Variants in MYOF observed in about 807,000 individuals in gnomAD.
The protein encoded by MYOF is fer-1-like 3, myoferlin.
Under a neutral mutation model 284.2 loss-of-function variants are expected in MYOF, and 244 were observed. The observed-to-expected ratio is 0.86, with a 90% CI of 0.77 to 0.95. The LOEUF is 0.95. Ranked by LOEUF, MYOF falls within the 40% of genes least tolerant of loss-of-function variation. The pLI, the probability that MYOF is intolerant of heterozygous loss-of-function variation, is 0.00. For missense variants in MYOF, 2,496 were observed against 2,560.6 expected (o/e 0.97, Z 0.54); for synonymous variants, 904 against 919.7 (o/e 0.98, Z 0.31).
intron 25 of MYOF, among the ~76,000 whole-genome samples, chr10:93,368,054 A>G (rs898133673): frequency 6.7e-6 from 1 of 150,152 alleles, no homozygotes; most frequent in African/African-American, 2.5e-5. Flanking sequence ...CTGGTCGATC[A>G]TTGCTCAGGG....
chr10:93,392,858 T>C, intron 17 of MYOF, 59 bp downstream of exon 17: 2 of 1,465,260 alleles, frequency 1.4e-6, no homozygotes, highest in African/African-American at 1.4e-5. Flanking sequence ...CGATACATTC[T>C]TAATAAGATA....
chr10:93,445,484 C>T (rs2056403785), intron 3 of MYOF, among the ~76,000 whole-genome samples: 1 of 152,252 alleles, frequency 6.6e-6, no homozygotes, highest in Non-Finnish European at 1.5e-5. Flanking sequence ...TAAAAAATAA[C>T]ATTTCATGTT....
chr10:93,351,175 TAAC>T lies in MYOF; in HGVS notation c.3921+19_3921+21del. Reference sequence around the variant, plus strand: ...AGTCACATCCGTTTGATTTGATGAGTAACACGTGGGGAGCAGCATACCTCAATG... The same window carrying T: ...AGTCACATCCGTTTGATTTGATGAGTACGTGGGGAGCAGCATACCTCAATG... On this transcript the variant is annotated intron_variant, in intron 35 of 53. Transcript: ENST00000359263. 1 of 1,607,674 alleles carries T rather than the reference TAAC, an allele frequency of 6.2e-7. No homozygotes were observed. Among genetic ancestry groups the T allele is most frequent in the Non-Finnish European group, 8.5e-7 (1 of 1,174,278 alleles).
At chr10:93,376,734 A>G (rs528466042) in intron 22 of MYOF, among the ~76,000 whole-genome samples, 3 of 152,086 alleles carry the variant, frequency 2.0e-5, no homozygotes, top group Non-Finnish European at 4.4e-5. Context: ...TCCCCCTTTG[A>G]TTTCCATATG....
intron 1 of MYOF, among the ~76,000 whole-genome samples, chr10:93,474,740 T>C (rs1200186544): frequency 1.5e-5 from 2 of 135,390 alleles, no homozygotes; most frequent in Non-Finnish European, 3.3e-5. Context: ...TTAAGAACAC[T>C]GAAGCTGATT....
intron 12 of MYOF, among the ~76,000 whole-genome samples, chr10:93,400,864 T>G (rs1394748393): frequency 2.0e-5 from 3 of 147,632 alleles, no homozygotes; most frequent in Non-Finnish European, 3.0e-5. Flanking sequence ...TTTTTTTTTT[T>G]TTTTTTTTTT....
intron 19 of MYOF, among the ~76,000 whole-genome samples, chr10:93,385,519 G>A (rs1230473054): frequency 2.0e-5 from 3 of 152,228 alleles, no homozygotes; most frequent in Admixed American, 2.0e-4. Context: ...AGGGTCATGA[G>A]CATGTTTGTA....
intron 50 of MYOF, among the ~76,000 whole-genome samples, chr10:93,314,236 GCAC>G (rs1378843353): frequency 5.9e-5 from 9 of 152,234 alleles, no homozygotes; most frequent in South Asian, 4.2e-4. Flanking sequence ...CTACAGGTGT[GCAC>G]CACAATGCCC....
At chr10:93,442,003 C>G (rs2056278578) in intron 3 of MYOF, among the ~76,000 whole-genome samples, 1 of 120,658 alleles carries the variant, frequency 8.3e-6, no homozygotes, top group Admixed American at 8.2e-5. Context: ...CCTGAACACA[C>G]ACACACACAC....
At chr10:93,314,490 G>A (rs1842527816) in intron 50 of MYOF, among the ~76,000 whole-genome samples, 1 of 152,198 alleles carries the variant, frequency 6.6e-6, no homozygotes, top group African/African-American at 2.4e-5. Flanking sequence ...TCTGTGATGT[G>A]GGGTCAAGTC....
chr10:93,465,938 G>A lies in MYOF; in HGVS notation c.89-9001C>T, dbSNP rs184945505. ...GGAAGTGCCCTGTGAGGCTGGGACCGCCCTGGTGGAATATTTCTTCCACGT... is the reference window on the plus strand; with the variant it reads ...GGAAGTGCCCTGTGAGGCTGGGACCACCCTGGTGGAATATTTCTTCCACGT... On this transcript the variant is annotated intron_variant, in intron 1 of 53. Coordinates refer to ENST00000359263, the MANE Select transcript of MYOF (RefSeq NM_013451.4). Among the ~76,000 whole-genome samples the A allele has an allele frequency of 1.0e-3, 155 of 152,322 alleles. 1 individual carries two copies. The highest frequency in any genetic ancestry group is 3.4e-3 in the African/African-American group (143 of 41,582).
intron 5 of MYOF, among the ~76,000 whole-genome samples, chr10:93,424,929 ATTTTTTTT>A (rs11376911): frequency 1.0e-4 from 8 of 77,762 alleles, no homozygotes; most frequent in East Asian, 5.3e-4. Flanking sequence ...GGAGAATTCC[ATTTTTTTT>A]TTTTTTTTTT....
At chr10:93,390,772 G>C (rs938094146) in intron 17 of MYOF, among the ~76,000 whole-genome samples, 1 of 151,354 alleles carries the variant, frequency 6.6e-6, no homozygotes. Flanking sequence ...AGAGAGAAAA[G>C]GAAGTTATTT....
chr10:93,443,470 C>CTGTGTG (rs1468637478), intron 3 of MYOF, among the ~76,000 whole-genome samples: 19 of 117,920 alleles, frequency 1.6e-4, no homozygotes, highest in African/African-American at 4.8e-4. Context: ...CTCTCTCTCT[C>CTGTGTG]TCTGTGTGTG....
intron 24 of MYOF, among the ~76,000 whole-genome samples, chr10:93,369,977 C>T (rs575483550): frequency 6.6e-6 from 1 of 152,316 alleles, no homozygotes; most frequent in African/African-American, 2.4e-5. Context: ...ACAGTGTGAT[C>T]CATAGATTCC....
At chr10:93,451,955 T>TTA (rs2056602157) in intron 3 of MYOF, 95 bp downstream of exon 3, 1 of 900,580 alleles carries the variant, frequency 1.1e-6, no homozygotes, top group Admixed American at 2.2e-5. Flanking sequence ...ATTGGAAGTA[T>TTA]TATAATACGT....
chr10:93,459,880 C>G (rs943951248), intron 1 of MYOF, among the ~76,000 whole-genome samples: 1 of 152,152 alleles, frequency 6.6e-6, no homozygotes, highest in African/African-American at 2.4e-5. Context: ...ACCAATCTCC[C>G]TCTACCTTAC....
chr10:93,405,267 C>G (rs2134104508), intron 7 of MYOF, among the ~76,000 whole-genome samples: 1 of 152,328 alleles, frequency 6.6e-6, no homozygotes, highest in East Asian at 1.9e-4. Flanking sequence ...AATTTAACAT[C>G]TAACAGAGTC....
chr10:93,396,316 GT>G, intron 15 of MYOF, 92 bp from the exon 16 acceptor site: 1 of 919,426 alleles, frequency 1.1e-6, no homozygotes, highest in Non-Finnish European at 1.6e-6. Context: ...TTAAAAAAAA[GT>G]TAGAGCTGGA....
Sources: gnomAD v4.1 joint callset for allele counts (sites outside exome capture counted in the v4.1 genomes callset) on GRCh38, gnomAD v4.1.1 for gene constraint, MANE v1.5 for transcripts, NCBI Gene and HGNC (gene_info 2026-07-23, HGNC 2026-07-21) for gene names.